MAN1C1: variants seen among roughly 807,000 people sequenced by gnomAD.
The protein encoded by MAN1C1 is mannosyl-oligosaccharide 1,2-alpha-mannosidase IC.
In MAN1C1, 49 loss-of-function variants were observed where a neutral mutation model predicts 71.5. The observed-to-expected ratio is 0.69, with a 90% CI of 0.54 to 0.87. The LOEUF (loss-of-function observed/expected upper bound fraction) is 0.87, where lower values mean the gene tolerates loss of function less well. MAN1C1 is among the 40% of genes least tolerant of loss of function. MAN1C1 has a pLI of 0.00. For synonymous variants in MAN1C1, 352 were observed against 343.7 expected (o/e 1.02, Z -0.27); for missense variants, 743 against 835.0 (o/e 0.89, Z 1.36).
At chr1:25,678,621 T>C (rs906668332) in intron 1 of MAN1C1, among the ~76,000 whole-genome samples, 6 of 152,318 alleles carry the variant, frequency 3.9e-5, no homozygotes, top group Middle Eastern at 3.4e-3. Flanking sequence ...TTATTCAAAA[T>C]GTTATGTGCA....
intron 1 of MAN1C1, among the ~76,000 whole-genome samples, chr1:25,669,670 C>T (rs563808414): frequency 6.6e-6 from 1 of 152,130 alleles, no homozygotes; most frequent in Non-Finnish European, 1.5e-5. Context: ...GTCCCAGCTA[C>T]TAGGGAGGCT....
At chr1:25,757,629 A>C (rs761616986) in intron 5 of MAN1C1, among the ~76,000 whole-genome samples, 2 of 152,196 alleles carry the variant, frequency 1.3e-5, no homozygotes, top group Non-Finnish European at 2.9e-5. Flanking sequence ...ACTGTGTCTT[A>C]CGGATGCAGG....
chr1:25,641,944 G>A (rs2045543747), intron 1 of MAN1C1, among the ~76,000 whole-genome samples: 1 of 152,166 alleles, frequency 6.6e-6, no homozygotes, highest in African/African-American at 2.4e-5. Flanking sequence ...AAGAGCTGAA[G>A]GAAAGACAAA....
At chr1:25,674,564 G>A (rs989305244) in intron 1 of MAN1C1, among the ~76,000 whole-genome samples, 3 of 152,228 alleles carry the variant, frequency 2.0e-5, no homozygotes, top group Admixed American at 1.3e-4. Context: ...TCTCTTGGAA[G>A]TGGCAACCAA....
In MAN1C1 at chr1:25,758,616, C is replaced by T. The variant is rs988088291; in HGVS notation, c.954C>T (p.Ala318=). Residue 318 remains alanine, a synonymous_variant, in exon 6 of 12, where the codon GCC becomes GCT. Transcript: ENST00000374332. ...FKSGNWGWAT[A]GSSSILAEFG... ...GTGGGAACTGGGGCTGGGCCACAGC[C>T]GGCAGCAGCAGCATCTTGGCGGAGT... 8.7e-6 allele frequency: 14 copies of T among 1,614,056 alleles called. No individual in the cohort carries two copies. The East Asian group carries it at 8.9e-5, about 10-fold the overall frequency.
chr1:25,741,739 G>A (rs2047066516), intron 2 of MAN1C1, among the ~76,000 whole-genome samples: 1 of 152,208 alleles, frequency 6.6e-6, no homozygotes, highest in South Asian at 2.1e-4. Flanking sequence ...GGGTGAGATT[G>A]CATGCATGGC....
intron 2 of MAN1C1, among the ~76,000 whole-genome samples, chr1:25,710,700 C>A (rs1022971207): frequency 6.6e-6 from 1 of 152,162 alleles, no homozygotes; most frequent in African/African-American, 2.4e-5. Flanking sequence ...TAGGAAATAG[C>A]GAGATAGACT....
intron 1 of MAN1C1, among the ~76,000 whole-genome samples, chr1:25,674,545 G>A (rs1240179634): frequency 6.6e-6 from 1 of 152,186 alleles, no homozygotes; most frequent in Admixed American, 6.5e-5. Context: ...TCAACCTGAA[G>A]GGAAGACCTC....
Position 25,764,073 on chromosome 1 carries a change from C to T in MAN1C1, c.1141+106C>T. The stretch of plus-strand genomic sequence containing the variant: ...CTGAGTGAGGATGTGTCTGTCAGAG[C>T]CATGCAGCCAGCAAGGCATTCGCTC... On this transcript the variant is annotated intron_variant, in intron 7 of 11. Transcript: ENST00000374332. The surrounding 1 kb of genome is among the most constrained non-coding windows in gnomAD (Gnocchi z 4.4). 1 of 905,020 alleles carries T rather than the reference C, an allele frequency of 1.1e-6. No individual in the cohort carries two copies. The highest frequency in any genetic ancestry group is 1.4e-5 in the South Asian group (1 of 69,000). The allele number at this position is 905,020 out of a possible 1,614,324, so 56.1% of individuals were successfully genotyped here.
At chr1:25,691,877 G>A (rs911499259) in intron 2 of MAN1C1, among the ~76,000 whole-genome samples, 4 of 152,190 alleles carry the variant, frequency 2.6e-5, no homozygotes, top group African/African-American at 9.7e-5. Context: ...AATGGCCAAT[G>A]GGGGTCAGCT....
At chr1:25,724,198 T>C (rs1360139108) in intron 2 of MAN1C1, among the ~76,000 whole-genome samples, 1 of 152,014 alleles carries the variant, frequency 6.6e-6, no homozygotes, top group Non-Finnish European at 1.5e-5. Flanking sequence ...CCGGCTAATT[T>C]TTGTATTTTT....
chr1:25,651,565 C>A (rs1199332342), intron 1 of MAN1C1, among the ~76,000 whole-genome samples: 1 of 152,192 alleles, frequency 6.6e-6, no homozygotes, highest in African/African-American at 2.4e-5. Context: ...GGGGCCGTGA[C>A]CCAAGATGAA....
intron 1 of MAN1C1, among the ~76,000 whole-genome samples, chr1:25,627,507 T>C (rs550789825): frequency 3.9e-5 from 6 of 152,034 alleles, no homozygotes; most frequent in Admixed American, 3.9e-4. Context: ...ACTCCTGACC[T>C]CCAGTGATTT....
At chr1:25,743,601 G>A (rs1433409371) in intron 2 of MAN1C1, among the ~76,000 whole-genome samples, 1 of 152,232 alleles carries the variant, frequency 6.6e-6, no homozygotes, top group Non-Finnish European at 1.5e-5. Context: ...GAAGGATTCA[G>A]GAGCCTGAGA....
intron 1 of MAN1C1, among the ~76,000 whole-genome samples, chr1:25,623,456 G>GC (rs982650873): frequency 8.9e-6 from 1 of 112,064 alleles, no homozygotes. Flanking sequence ...AGTGGTGGTG[G>GC]GGGGGGGTAA....
At chr1:25,737,132 T>C (rs1449440066) in intron 2 of MAN1C1, among the ~76,000 whole-genome samples, 1 of 152,190 alleles carries the variant, frequency 6.6e-6, no homozygotes, top group Non-Finnish European at 1.5e-5. Context: ...TAAACACAGG[T>C]TTCCAGATCA....
chr1:25,649,041 G>T (rs1442303053), intron 1 of MAN1C1, among the ~76,000 whole-genome samples: 1 of 152,226 alleles, frequency 6.6e-6, no homozygotes, highest in Non-Finnish European at 1.5e-5. Context: ...GCAGGACTGG[G>T]TCTCTCACAT....
intron 1 of MAN1C1, among the ~76,000 whole-genome samples, chr1:25,680,528 C>T (rs1377692308): frequency 6.6e-6 from 1 of 152,184 alleles, no homozygotes; most frequent in East Asian, 1.9e-4. Context: ...GATGGATTTG[C>T]TTATGCTGGA....
chr1:25,637,815 T>A (rs768426925), intron 1 of MAN1C1, among the ~76,000 whole-genome samples: 2 of 152,118 alleles, frequency 1.3e-5, no homozygotes, highest in Non-Finnish European at 2.9e-5. Context: ...TTCTGATAAT[T>A]CTCTTTGTTT....
Sources: gnomAD v4.1 joint callset for allele counts (sites outside exome capture counted in the v4.1 genomes callset) on GRCh38, gnomAD v4.1.1 for gene constraint, Gnocchi (gnomAD v3.1) non-coding constraint, MANE v1.5 for transcripts, NCBI Gene and HGNC (gene_info 2026-07-23, HGNC 2026-07-21) for gene names.